The following ROBO1 variants were observed in gnomAD, a reference collection of about 807,000 sequenced individuals.
The protein encoded by ROBO1 is roundabout guidance receptor 1.
Under a neutral mutation model 195.9 loss-of-function variants are expected in ROBO1, and 149 were observed. That is an observed-to-expected ratio of 0.76 (90% confidence interval 0.67 to 0.87). ROBO1 has a LOEUF of 0.87. ROBO1 is among the 40% of genes least tolerant of loss of function. The pLI is 0.00. For synonymous variants in ROBO1, 816 were observed against 733.2 expected (o/e 1.11, Z -1.82); for missense variants, 1,933 against 2,068.3 (o/e 0.93, Z 1.27).
chr3:79,763,783 T>C (rs1704836964), intron 1 of ROBO1, among the ~76,000 whole-genome samples: 1 of 152,228 alleles, frequency 6.6e-6, no homozygotes, highest in South Asian at 2.1e-4. Flanking sequence ...CCTTGGAAAG[T>C]AACTGTAAAA....
At chr3:78,816,159 A>G (rs1171345454) in intron 4 of ROBO1, among the ~76,000 whole-genome samples, 2 of 152,150 alleles carry the variant, frequency 1.3e-5, no homozygotes, top group African/African-American at 2.4e-5. Flanking sequence ...AGTTGAAGCC[A>G]ATGTTCATTT....
At chr3:79,484,751 C>CTTTTT (rs1559932529) in intron 2 of ROBO1, among the ~76,000 whole-genome samples, 4 of 20,658 alleles carry the variant, frequency 1.9e-4, no homozygotes, top group African/African-American at 4.9e-4. Flanking sequence ...TATCATTGCA[C>CTTTTT]TATCTTTTTT....
At chr3:79,599,841 A>G (rs942476529) in intron 1 of ROBO1, among the ~76,000 whole-genome samples, 1 of 152,074 alleles carries the variant, frequency 6.6e-6, no homozygotes, top group African/African-American at 2.4e-5. Context: ...TAAATAATAA[A>G]GACATTTTAA....
At chr3:79,562,513 A>G (rs1410626073) in intron 2 of ROBO1, among the ~76,000 whole-genome samples, 2 of 152,068 alleles carry the variant, frequency 1.3e-5, no homozygotes, top group East Asian at 3.8e-4. Flanking sequence ...GCCAAAAGAT[A>G]GTATGACTTT....
rs761863044 is a variant in ROBO1 at position 78,636,087 on chromosome 3, T to C, written c.3059A>G (p.Asn1020Ser). Reference protein sequence around the residue: ...SRPADCIANYNNQLDNKQTNL... With the variant: ...SRPADCIANYSNQLDNKQTNL... ...TGTTTGTTTGTTATCCAGTTGGTTG[T>C]TATAATTTGCTATACAATCAGCTAT... The change falls in exon 23 of 31, where the codon AAC becomes AGC. Residue 1020 changes from asparagine to serine, a missense_variant. Around this residue, in one of 3 missense-constraint regions of ROBO1, gnomAD observed 1,737 missense variants for 1,882.5 expected, o/e 0.92. Transcript: ENST00000464233. The C allele has an allele frequency of 1.9e-6, 3 of 1,611,830 alleles. No individual in the cohort carries two copies. The South Asian group carries it at 3.3e-5, about 18-fold the overall frequency.
intron 2 of ROBO1, chr3:79,512,776 T>G (rs553123752): frequency 6.6e-6 from 1 of 152,270 alleles, no homozygotes; most frequent in African/African-American, 2.4e-5. Context: ...TGAACAATTC[T>G]AAACATAAAT....
At chr3:79,206,790 C>T (rs1331650692) in intron 2 of ROBO1, among the ~76,000 whole-genome samples, 1 of 151,920 alleles carries the variant, frequency 6.6e-6, no homozygotes, top group East Asian at 1.9e-4. Context: ...GGCAGTCTTC[C>T]TAGGAATGTT....
At chr3:79,433,057 T>C (rs529042677) in intron 2 of ROBO1, among the ~76,000 whole-genome samples, 1 of 152,210 alleles carries the variant, frequency 6.6e-6, no homozygotes, top group African/African-American at 2.4e-5. Context: ...CATGTGCCGA[T>C]GTGTGGGTAT....
At chr3:79,202,502 C>A (rs2081785260) in intron 2 of ROBO1, among the ~76,000 whole-genome samples, 1 of 151,530 alleles carries the variant, frequency 6.6e-6, no homozygotes, top group Non-Finnish European at 1.5e-5. Context: ...AACAAACTGC[C>A]CATGAACAAT....
intron 26 of ROBO1, among the ~76,000 whole-genome samples, chr3:78,623,339 T>C (rs966949491): frequency 2.0e-5 from 3 of 152,042 alleles, no homozygotes; most frequent in Non-Finnish European, 4.4e-5. Flanking sequence ...GAGGAGAAAA[T>C]GGTGTTCCAG....
chr3:79,196,817 T>G (rs2081646461), intron 2 of ROBO1, among the ~76,000 whole-genome samples: 1 of 151,854 alleles, frequency 6.6e-6, no homozygotes, highest in Non-Finnish European at 1.5e-5. Flanking sequence ...GAATACAAAA[T>G]ATTCAAATAT....
intron 2 of ROBO1, among the ~76,000 whole-genome samples, chr3:79,288,649 CCT>C (rs1357867914): frequency 6.6e-6 from 1 of 152,288 alleles, no homozygotes; most frequent in Non-Finnish European, 1.5e-5. Flanking sequence ...ACATTCAAAA[CCT>C]CTGTTATTGG....
At chr3:79,468,811 C>T (rs375123929) in intron 2 of ROBO1, among the ~76,000 whole-genome samples, 15 of 152,176 alleles carry the variant, frequency 9.9e-5, no homozygotes, top group African/African-American at 3.6e-4. Context: ...TAGGGAAGCT[C>T]TTAAACTTCT....
chr3:78,847,004 A>G (rs2033713665), intron 4 of ROBO1, among the ~76,000 whole-genome samples: 1 of 152,142 alleles, frequency 6.6e-6, no homozygotes, highest in South Asian at 2.1e-4. Context: ...ACTTAGTACA[A>G]TGATGGAGAA....
chr3:79,554,499 A>C (rs1942630904), intron 2 of ROBO1, among the ~76,000 whole-genome samples: 1 of 152,112 alleles, frequency 6.6e-6, no homozygotes, highest in South Asian at 2.1e-4. Context: ...GGAAATGTAC[A>C]GTAGGTGATC....
At chr3:78,922,610 T>A (rs1290449956) in intron 4 of ROBO1, among the ~76,000 whole-genome samples, 1 of 148,756 alleles carries the variant, frequency 6.7e-6, no homozygotes, top group African/African-American at 2.5e-5. Flanking sequence ...TTCTTCTTTT[T>A]TTTTTTTTTT....
chr3:79,700,724 T>G (rs968638711), intron 1 of ROBO1, among the ~76,000 whole-genome samples: 2 of 151,922 alleles, frequency 1.3e-5, no homozygotes, highest in African/African-American at 4.8e-5. Context: ...TGGGGTTATT[T>G]GTTTTTTGCT....
chr3:79,185,397 T>C (rs1473213376), intron 2 of ROBO1, among the ~76,000 whole-genome samples: 2 of 152,212 alleles, frequency 1.3e-5, no homozygotes, highest in South Asian at 2.1e-4. Context: ...TCATTTTCAC[T>C]CTTTTACTTA....
chr3:78,777,905 C>T (rs533698642), intron 4 of ROBO1, among the ~76,000 whole-genome samples: 47 of 152,146 alleles, frequency 3.1e-4, no homozygotes, highest in Admixed American at 7.9e-4. Context: ...GCATCCTTGC[C>T]TTGTGCCGGT....
Sources: gnomAD v4.1 joint callset for allele counts (sites outside exome capture counted in the v4.1 genomes callset) on GRCh38, gnomAD v4.1.1 for gene constraint, gnomAD v4.1.1 regional missense constraint, MANE v1.5 for transcripts, NCBI Gene and HGNC (gene_info 2026-07-23, HGNC 2026-07-21) for gene names.